The following SVIL variants were observed in gnomAD, a reference collection of about 807,000 sequenced individuals.
The protein encoded by SVIL is archvillin.
In SVIL, 101 loss-of-function variants were observed where a neutral mutation model predicts 240.4. That is an observed-to-expected ratio of 0.42 (90% confidence interval 0.36 to 0.50). The LOEUF (loss-of-function observed/expected upper bound fraction) is 0.50. Ranked by LOEUF, SVIL falls within the 20% of genes least tolerant of loss-of-function variation. The pLI, the probability that SVIL is intolerant of heterozygous loss-of-function variation, is 0.01. For synonymous variants in SVIL, 999 were observed against 1,100.0 expected, an observed-to-expected ratio of 0.91 and a Z score of 1.82; for missense variants, 2,512 against 2,818.7, an observed-to-expected ratio of 0.89 and a Z score of 2.46.
chr10:29,529,196 A>G (rs11814286), intron 12 of SVIL, among the ~76,000 whole-genome samples: 32,075 of 142,524 alleles, frequency 0.23, 4,236 homozygotes, highest in African/African-American at 0.32. Flanking sequence ...AAAAAAAAAA[A>G]AAAAAAAGAA....
intron 1 of SVIL, among the ~76,000 whole-genome samples, chr10:29,705,362 T>C (rs1026574054): frequency 2.0e-5 from 3 of 152,102 alleles, no homozygotes; most frequent in African/African-American, 4.8e-5. Context: ...ATGTGATAAA[T>C]TGAAGGATCT....
intron 17 of SVIL, among the ~76,000 whole-genome samples, chr10:29,501,461 G>T (rs1948889496): frequency 6.6e-6 from 1 of 150,654 alleles, no homozygotes; most frequent in South Asian, 2.1e-4. Flanking sequence ...GTGAGGAGTG[G>T]AGGGAGGAAG....
chr10:29,598,404 T>C (rs1476222112), intron 1 of SVIL, among the ~76,000 whole-genome samples: 1 of 152,038 alleles, frequency 6.6e-6, no homozygotes, highest in African/African-American at 2.4e-5. Flanking sequence ...ATAAAAAAAA[T>C]TTGAGGGAAA....
intron 16 of SVIL, among the ~76,000 whole-genome samples, chr10:29,514,113 T>C (rs531175015): frequency 2.8e-4 from 42 of 152,286 alleles, no homozygotes; most frequent in African/African-American, 7.9e-4. Context: ...CCAGGTCTTA[T>C]TGATATCACT....
chr10:29,715,297 T>C (rs1057436269), intron 1 of SVIL, among the ~76,000 whole-genome samples: 27 of 152,326 alleles, frequency 1.8e-4, no homozygotes, highest in African/African-American at 6.0e-4. Flanking sequence ...TTCATATTTT[T>C]CAGGTGTCAT....
At chr10:29,730,573 G>T (rs1048061728) in intron 1 of SVIL, among the ~76,000 whole-genome samples, 2 of 152,168 alleles carry the variant, frequency 1.3e-5, no homozygotes, top group African/African-American at 4.8e-5. Context: ...CTGAAAGACT[G>T]TAAACATCTG....
intron 17 of SVIL, among the ~76,000 whole-genome samples, chr10:29,502,376 AT>A (rs1321909475): frequency 6.6e-6 from 1 of 152,118 alleles, no homozygotes; most frequent in South Asian, 2.1e-4. Flanking sequence ...TGTTCATTTG[AT>A]TTTTTTAAGC....
chr10:29,621,696 G>A (rs12769440), intron 1 of SVIL, among the ~76,000 whole-genome samples: 2 of 152,226 alleles, frequency 1.3e-5, no homozygotes, highest in Non-Finnish European at 2.9e-5. Flanking sequence ...TCCACGACCT[G>A]GGGGTCTGGC....
At chr10:29,580,316 C>T (rs974735633) in intron 1 of SVIL, among the ~76,000 whole-genome samples, 3 of 152,100 alleles carry the variant, frequency 2.0e-5, no homozygotes, top group African/African-American at 4.8e-5. Flanking sequence ...CCACTGCACT[C>T]ATCCAGTGTG....
At chr10:29,477,013 C>T (rs1946269392) in intron 29 of SVIL, among the ~76,000 whole-genome samples, 1 of 152,050 alleles carries the variant, frequency 6.6e-6, no homozygotes, top group Admixed American at 6.5e-5. Flanking sequence ...TAGGTGCCCG[C>T]CACTATGCCC....
upstream of SVIL, among the ~76,000 whole-genome samples, chr10:29,639,677 A>G (rs745395629): frequency 6.6e-5 from 10 of 151,794 alleles, no homozygotes; most frequent in Non-Finnish European, 1.3e-4. Flanking sequence ...ATGTTGGCCA[A>G]GCTGGTCTCG....
chr10:29,462,463 C>T (rs1944378685), intron 35 of SVIL, 62 bp from the exon 36 acceptor site: 3 of 1,566,552 alleles, frequency 1.9e-6, no homozygotes, highest in Admixed American at 2.0e-5. Flanking sequence ...TCTCTGATTT[C>T]CCTTGAAATC....
At chr10:29,664,757 G>A (rs1959199583) in intron 2 of SVIL, among the ~76,000 whole-genome samples, 1 of 151,806 alleles carries the variant, frequency 6.6e-6, no homozygotes, top group Non-Finnish European at 1.5e-5. Context: ...TGATGATAAA[G>A]CATATAATGA....
At position 29,554,914 on chromosome 10, in the gene SVIL, C is replaced by T. The variant is rs763913569; in HGVS notation, c.29G>A (p.Arg10His). The T allele has an allele frequency of 2.5e-5, 41 of 1,611,836 alleles. No homozygotes were observed. Among genetic ancestry groups the T allele is most frequent in the Non-Finnish European group, 3.2e-5 (38 of 1,179,074 alleles). The change falls in exon 5 of 38, where the codon CGC (arginine) becomes CAC (histidine). Residue 10 changes from arginine to histidine, a missense_variant. Arg to His is a conservative substitution (Grantham distance 29, BLOSUM62 0). Around this residue, in one of 3 missense-constraint regions of SVIL, gnomAD observed 1,443 missense variants for 1,486.6 expected, o/e 0.97. Coordinates refer to ENST00000355867, the MANE Select transcript of SVIL (RefSeq NM_021738.3). ...AGTGTCATTTTCAATCCCTTCCAGG[C>T]GCCTGGCAATTCTTTCTTTTCTGTG... Reference protein sequence around the residue: MKRKERIARRLEGIENDTQP... With the variant: MKRKERIARHLEGIENDTQP...
chr10:29,523,612 A>C lies in SVIL; in HGVS notation c.3002T>G (p.Leu1001Arg). 1.2e-6 allele frequency: 2 copies of C among 1,614,194 alleles called. No individual in the cohort carries two copies. The highest frequency in any genetic ancestry group is 2.2e-5 in the South Asian group (2 of 91,074). The change falls in exon 15 of 38, where the codon CTG (leucine) becomes CGG (arginine). Residue 1001 changes from leucine (L) to arginine (R), a missense_variant. Physicochemically the swap from Leu to Arg is moderately radical, Grantham distance 102. Coordinates refer to ENST00000355867, the MANE Select transcript of SVIL (RefSeq NM_021738.3). ...GGTGATGGGAGGGTTCGCCCGTTCC[A>C]GGCTTCCTCTTCTGGGAACAGCATA... ...SKYAVPRRGS[L>R]ERANPPITHL...
intron 1 of SVIL, among the ~76,000 whole-genome samples, chr10:29,724,116 G>A (rs1254639688): frequency 6.6e-6 from 1 of 151,044 alleles, no homozygotes; most frequent in African/African-American, 2.4e-5. Context: ...CAGTATCTGT[G>A]CTCAAAATGA....
rs758477266 is a variant in SVIL at position 29,458,445 on chromosome 10, C to T, written c.6547G>A (p.Glu2183Lys). 22 of 1,583,082 alleles carry T rather than the reference C, an allele frequency of 1.4e-5. No individual in the cohort carries two copies. The East Asian group carries it at 1.8e-4, about 13-fold the overall frequency. ...GAAGAACCGCTTACCTCGAAGTCTT[C>T]GTCGGTGAGATAGATCTCAAGCTTC... ...PLKLEIYLTD[E>K]DFEFALDMTR... The change falls in exon 37 of 38, where the codon GAA becomes AAA. Residue 2183 changes from glutamate to lysine, a missense_variant. Glu to Lys is a moderately conservative substitution (Grantham distance 56). This residue lies in a region of SVIL where 797 missense variants were observed against 925.3 expected (regional missense o/e 0.86). Transcript: ENST00000355867.
intron 3 of SVIL, among the ~76,000 whole-genome samples, chr10:29,647,558 C>T (rs182162780): frequency 2.6e-4 from 39 of 152,100 alleles, no homozygotes; most frequent in African/African-American, 7.7e-4. Context: ...CAACCTCTTA[C>T]TTGATTGTAT....
chr10:29,715,654 T>G (rs1302628101), intron 1 of SVIL, among the ~76,000 whole-genome samples: 1 of 152,150 alleles, frequency 6.6e-6, no homozygotes, highest in Admixed American at 6.6e-5. Flanking sequence ...CCTAGCACAG[T>G]GGGAAGTTGT....
Sources: allele counts gnomAD v4.1 joint callset (sites outside exome capture counted in the v4.1 genomes callset), GRCh38; gene constraint gnomAD v4.1.1; regional missense constraint gnomAD v4.1.1; transcripts MANE v1.5; gene names NCBI Gene and HGNC (gene_info 2026-07-23, HGNC 2026-07-21).